Variants in SUN1 observed in about 807,000 individuals in gnomAD.
The protein encoded by SUN1 is SUN domain-containing protein 1.
Under a neutral mutation model 103.2 loss-of-function variants are expected in SUN1, and 61 were observed. The ratio of observed to expected loss-of-function variants is 0.59; its 90% confidence interval spans 0.48 to 0.73. The LOEUF (loss-of-function observed/expected upper bound fraction) is 0.73. Ranked by LOEUF, SUN1 falls within the 30% of genes least tolerant of loss-of-function variation. The probability of loss-of-function intolerance (pLI) is 0.00; values close to 1 mark genes in which losing one functional copy is unlikely to be tolerated. For missense variants in SUN1, 1,052 were observed against 1,034.6 expected, an observed-to-expected ratio of 1.02 and a Z score of -0.23; for synonymous variants, 490 against 425.7, an observed-to-expected ratio of 1.15 and a Z score of -1.86.
rs1252223849 is a variant in SUN1, at chr7:870,205, T to A, written c.2148+689T>A. Among the ~76,000 whole-genome samples, 138 of 137,214 alleles carry A rather than the reference T, an allele frequency of 1.0e-3. No homozygotes were observed. The Middle Eastern group carries it at 0.012, about 12-fold the overall frequency. 90.0% of individuals were successfully genotyped at this position (137,214 alleles called of 152,430 possible). On this transcript the variant is annotated intron_variant, in intron 17 of 18. Coordinates refer to ENST00000401592, the MANE Select transcript of SUN1 (RefSeq NM_001130965.3). ...GGGCAACAGAGTGAGACCCTGTCTT[T>A]AAAAAAAAAAAAAAAAAATTACAGT...
upstream of SUN1, chr7:832,462 C>G: frequency 6.5e-7 from 1 of 1,529,398 alleles, no homozygotes; most frequent in East Asian, 2.4e-5. Flanking sequence ...GCTCGATTTC[C>G]TGCCCGTTAA....
rs144242661 is a variant in SUN1 at position 841,858 on chromosome 7, C to G, written c.267-88C>G. On this transcript the variant is annotated intron_variant, in intron 2 of 18. Transcript: ENST00000401592. ...GTTTGCCTTAAAATGCTGTTTATTC[C>G]CAGATTAAGAGTTTGTGTTGGTCAA... The G allele has an allele frequency of 1.2e-4, 165 of 1,397,104 alleles. No homozygotes were observed. In the East Asian group the frequency reaches 2.9e-3, roughly 25 times the overall value. 86.5% of individuals were successfully genotyped at this position (1,397,104 alleles called of 1,614,324 possible).
intron 1 of SUN1, among the ~76,000 whole-genome samples, chr7:821,458 C>A (rs997078167): frequency 1.3e-5 from 2 of 152,078 alleles, no homozygotes; most frequent in Admixed American, 6.6e-5. Flanking sequence ...GTGAGCCCGG[C>A]CTGGTGACCT....
chr7:832,661 G>A lies in SUN1; in HGVS notation c.77+60G>A, dbSNP rs115160317. ...GCAATGCCCACTCGCTGTCGCGGTG[G>A]CGTGGACCTTAACAGGAACTCCATA... is the stretch of plus-strand genomic sequence containing the variant. On this transcript the variant is annotated intron_variant, in intron 1 of 18. Coordinates refer to ENST00000401592, the MANE Select transcript of SUN1 (RefSeq NM_001130965.3). 1,194 of 1,412,986 alleles carry A rather than the reference G, an allele frequency of 8.5e-4. 11 individuals are homozygous for A. The African/African-American group carries it at 0.015, about 18-fold the overall frequency. 87.5% of individuals were successfully genotyped at this position (1,412,986 alleles called of 1,614,324 possible).
At chr7:855,404 GTGGGAAGGCCGGGACCATTTGTTGC>G in intron 11 of SUN1, among the ~76,000 whole-genome samples, 1 of 152,266 alleles carries the variant, frequency 6.6e-6, no homozygotes, top group East Asian at 1.9e-4. Context: ...CTAGCTTTGG[GTGGGAAGGCCGGGACCATTTGTTGC>G]TGGGAATGCC....
intron 16 of SUN1, chr7:868,988 G>C (rs55665734): frequency 0.054 from 15,000 of 280,106 alleles, 1,521 homozygotes; most frequent in Admixed American, 0.066. Flanking sequence ...TGGTCGGATG[G>C]GGGGACAGTG....
At chr7:858,197 G>A (rs1829299856) in intron 13 of SUN1, among the ~76,000 whole-genome samples, 1 of 152,120 alleles carries the variant, frequency 6.6e-6, no homozygotes. Context: ...TGGGACTACA[G>A]GCATGTGCCA....
Position 866,043 on chromosome 7 carries a change from G to C in SUN1, c.1956G>C (p.Ser652=). The part of the protein sequence containing the change: ...SLFGIPLWYF[S]QSPRVVIQPD... ...TTGGGATCCCGCTGTGGTACTTCTC[G>C]CAGTCCCCGCGCGTGGTCATCCAGG... The change falls in exon 16 of 19, where the codon TCG becomes TCC. Residue 652 remains serine, a synonymous_variant. Coordinates refer to ENST00000401592, the MANE Select transcript of SUN1 (RefSeq NM_001130965.3). 3.7e-6 allele frequency: 6 copies of C among 1,614,044 alleles called. No individual in the cohort carries two copies. The highest frequency in any genetic ancestry group is 4.2e-6 in the Non-Finnish European group (5 of 1,179,976).
At chr7:869,215 C>T (rs541431707) in intron 16 of SUN1, 134 bp from the exon 17 acceptor site, 57 of 1,080,780 alleles carry the variant, frequency 5.3e-5, no homozygotes, top group African/African-American at 1.1e-4. Flanking sequence ...AGCTTATCTT[C>T]GGATTTTGCT....
rs1437654922 is a variant in SUN1, at chr7:839,613, C to CGTGATCTTGGCTCACTGCAGCCTCTGCCG, written c.266+655_266+656insGGTGATCTTGGCTCACTGCAGCCTCTGCC. Among the ~76,000 whole-genome samples, 4 of 50,032 alleles carry CGTGATCTTGGCTCACTGCAGCCTCTGCCG rather than the reference C, an allele frequency of 8.0e-5. 1 individual carries two copies. Among genetic ancestry groups the CGTGATCTTGGCTCACTGCAGCCTCTGCCG allele is most frequent in the African/African-American group, 2.9e-4 (4 of 13,662 alleles). 32.8% of individuals were successfully genotyped at this position (50,032 alleles called of 152,430 possible). On this transcript the variant is annotated intron_variant, in intron 2 of 18. Transcript: ENST00000401592. ...TGCCCAGGCTGGAGTACAGTGGTGG[C>CGTGATCTTGGCTCACTGCAGCCTCTGCCG]GTGATCTTGGCTCACTGCAGCCTCT...
intron 8 of SUN1, 62 bp from the exon 9 acceptor site, chr7:852,748 G>A: frequency 1.2e-6 from 2 of 1,612,900 alleles, no homozygotes; most frequent in East Asian, 4.5e-5. Flanking sequence ...AAATGAGCGT[G>A]TAAGTCCATG....
At chr7:825,457 A>G (rs1790828505) in intron 1 of SUN1, among the ~76,000 whole-genome samples, 1 of 152,220 alleles carries the variant, frequency 6.6e-6, no homozygotes, top group Admixed American at 6.5e-5. Flanking sequence ...TAGAAGTTCC[A>G]TCCGCCCGAA....
chr7:827,854 A>C (rs1794033757), upstream of SUN1, among the ~76,000 whole-genome samples: 1 of 152,210 alleles, frequency 6.6e-6, no homozygotes, highest in Non-Finnish European at 1.5e-5. Flanking sequence ...ATATACTGTA[A>C]AAGGTAAATG....
In SUN1 at chr7:852,601, A is replaced by T; in HGVS notation, c.852-8A>T. Reference sequence around the variant, plus strand: ...TTCTAAGTCAAAGGTTTTCATTGTTACTCCCAGGTGCCTTCGAAACATCTG... The same window carrying T: ...TTCTAAGTCAAAGGTTTTCATTGTTTCTCCCAGGTGCCTTCGAAACATCTG... On this transcript the variant is annotated splice_polypyrimidine_tract_variant and splice_region_variant and intron_variant, in intron 7 of 18. Transcript: ENST00000401592. 1 of 1,614,018 alleles carries T rather than the reference A, an allele frequency of 6.2e-7. No homozygotes were observed. Among genetic ancestry groups the T allele is most frequent in the South Asian group, 1.1e-5 (1 of 91,068 alleles).
chr7:870,015 G>A (rs1345883002), intron 17 of SUN1, among the ~76,000 whole-genome samples: 4 of 147,156 alleles, frequency 2.7e-5, no homozygotes, highest in African/African-American at 1.0e-4. Context: ...CCAAGGTGGT[G>A]AAACCGCGTC....
chr7:860,253 G>T lies in SUN1; in HGVS notation c.1650G>T (p.Met550Ile). ...TGAGCAAAGGCGACTTGCAGACGAT[G>T]CTGCGAGACCTGCAGCTGCAGATCC... ...QFVSKGDLQTMLRDLQLQILR... is the reference protein window; with the variant it reads ...QFVSKGDLQTILRDLQLQILR... The change falls in exon 14 of 19, where the codon ATG (methionine) becomes ATT (isoleucine). Residue 550 changes from methionine (M) to isoleucine (I), a missense_variant. Met to Ile is a conservative substitution (Grantham distance 10). This residue lies in a region of SUN1 where 846 missense variants were observed against 774.5 expected (regional missense o/e 1.09). Coordinates refer to ENST00000401592, the MANE Select transcript of SUN1 (RefSeq NM_001130965.3). 6.2e-7 allele frequency: 1 copy of T among 1,614,272 alleles called. No individual in the cohort carries two copies. The highest frequency in any genetic ancestry group is 8.5e-7 in the Non-Finnish European group (1 of 1,180,048).
chr7:848,223 G>A (rs985754235), intron 5 of SUN1, among the ~76,000 whole-genome samples: 2 of 152,060 alleles, frequency 1.3e-5, no homozygotes, highest in African/African-American at 4.8e-5. Context: ...CCAGTCTTCG[G>A]GGTACCCTGG....
At chr7:825,002 T>C (rs2128168036) in intron 1 of SUN1, among the ~76,000 whole-genome samples, 1 of 152,224 alleles carries the variant, frequency 6.6e-6, no homozygotes, top group East Asian at 1.9e-4. Context: ...TGTCTGCCTG[T>C]CCTGCCTCAC....
In SUN1 at chr7:820,201, C is replaced by T. The variant is rs1784685978; in HGVS notation, c.-74+3528C>T. On this transcript the variant is annotated intron_variant, in intron 1 of 17. Transcript: ENST00000389574. ...TAACAGTACCTAACAGTCTTTCCATCCATGTACATGGAATGTCTTCCCATT... is the reference window on the plus strand; with the variant it reads ...TAACAGTACCTAACAGTCTTTCCATTCATGTACATGGAATGTCTTCCCATT... 2.0e-5 allele frequency among the ~76,000 whole-genome samples: 3 copies of T among 152,300 alleles called. No individual in the cohort carries two copies. In the South Asian group the frequency reaches 6.2e-4, roughly 32 times the overall value.
Sources: allele counts gnomAD v4.1 joint callset (sites outside exome capture counted in the v4.1 genomes callset), GRCh38; gene constraint gnomAD v4.1.1; regional missense constraint gnomAD v4.1.1; transcripts MANE v1.5; gene names NCBI Gene and HGNC (gene_info 2026-07-23, HGNC 2026-07-21).